The following STPG2 variants were observed in gnomAD, a reference collection of about 807,000 sequenced individuals.
STPG2 encodes the protein sperm tail PG-rich repeat containing 2, also known as sperm-tail PG-rich repeat-containing protein 2.
Under a neutral mutation model 54.2 loss-of-function variants are expected in STPG2, and 56 were observed. The ratio of observed to expected loss-of-function variants is 1.03; its 90% confidence interval spans 0.83 to 1.29. STPG2 has a LOEUF of 1.29. Among genes scored for constraint, STPG2 ranks in the 50% most tolerant of loss-of-function variants. The pLI is 0.00. For missense variants in STPG2, 596 were observed against 544.9 expected (o/e 1.09, Z -0.93); for synonymous variants, 200 against 181.8 (o/e 1.10, Z -0.81).
intron 6 of STPG2, among the ~76,000 whole-genome samples, chr4:97,977,229 G>A (rs1227928332): frequency 6.6e-6 from 1 of 152,058 alleles, no homozygotes; most frequent in Non-Finnish European, 1.5e-5. Context: ...TGTCTAAGAT[G>A]GAATATTAAA....
At chr4:97,890,844 T>C (rs1730742818) in intron 8 of STPG2, among the ~76,000 whole-genome samples, 1 of 151,874 alleles carries the variant, frequency 6.6e-6, no homozygotes, top group South Asian at 2.1e-4. Flanking sequence ...TGAAAAAACT[T>C]ATGACAAGAT....
At chr4:97,543,653 TA>T (rs1731770659) in intron 4 of STPG2, among the ~76,000 whole-genome samples, 1 of 152,168 alleles carries the variant, frequency 6.6e-6, no homozygotes, top group South Asian at 2.1e-4. Context: ...ATTTATGTGA[TA>T]ATCAAAATTA....
At chr4:97,890,455 A>C (rs947833002) in intron 8 of STPG2, among the ~76,000 whole-genome samples, 35 of 151,934 alleles carry the variant, frequency 2.3e-4, no homozygotes, top group Admixed American at 2.3e-3. Flanking sequence ...ATGTTGCATA[A>C]ATTTTAAAAA....
At chr4:97,520,659 G>A (rs1731161835) in intron 4 of STPG2, among the ~76,000 whole-genome samples, 1 of 151,968 alleles carries the variant, frequency 6.6e-6, no homozygotes, top group Admixed American at 6.6e-5. Context: ...GACAGTTTTA[G>A]TTTTGTGCTC....
At chr4:97,886,440 G>T (rs979466268) in intron 8 of STPG2, among the ~76,000 whole-genome samples, 1 of 152,112 alleles carries the variant, frequency 6.6e-6, no homozygotes, top group Non-Finnish European at 1.5e-5. Flanking sequence ...AATAAAATGT[G>T]TTGTCAACAT....
chr4:97,444,891 G>T (rs1394389501), intron 4 of STPG2, among the ~76,000 whole-genome samples: 2 of 152,094 alleles, frequency 1.3e-5, no homozygotes, highest in African/African-American at 2.4e-5. Context: ...AGCAAAATTA[G>T]CCAGGGATGG....
At chr4:97,639,503 ATAAAT>A (rs1292582131) in intron 10 of STPG2, among the ~76,000 whole-genome samples, 1 of 152,036 alleles carries the variant, frequency 6.6e-6, no homozygotes, top group Admixed American at 6.6e-5. Context: ...ATTTAAAAAA[ATAAAT>A]TAAAAAAAAA....
At chr4:98,043,647 T>A (rs1224889297) in intron 5 of STPG2, among the ~76,000 whole-genome samples, 1 of 152,162 alleles carries the variant, frequency 6.6e-6, no homozygotes, top group Non-Finnish European at 1.5e-5. Context: ...GTATTTATAT[T>A]ACATATGCAT....
intron 8 of STPG2, among the ~76,000 whole-genome samples, chr4:97,903,585 T>C (rs1731264713): frequency 6.6e-6 from 1 of 151,868 alleles, no homozygotes; most frequent in Non-Finnish European, 1.5e-5. Flanking sequence ...GTAAGACCGA[T>C]TAACAAAAAA....
intron 9 of STPG2, among the ~76,000 whole-genome samples, chr4:97,737,525 T>C (rs1345486509): frequency 6.6e-6 from 1 of 152,172 alleles, no homozygotes; most frequent in Non-Finnish European, 1.5e-5. Context: ...AAGGAGCTGA[T>C]GGAGCTGAAA....
At chr4:97,606,563 T>C (rs1284611629) in intron 10 of STPG2, among the ~76,000 whole-genome samples, 2 of 152,020 alleles carry the variant, frequency 1.3e-5, no homozygotes, top group Non-Finnish European at 2.9e-5. Context: ...ACAAGAAAAC[T>C]AATTAAATGT....
intron 5 of STPG2, among the ~76,000 whole-genome samples, chr4:97,985,529 T>C (rs1319782095): frequency 6.6e-6 from 1 of 152,208 alleles, no homozygotes; most frequent in Non-Finnish European, 1.5e-5. Flanking sequence ...CAGAAATGTA[T>C]CTGTCTTTAT....
intron 8 of STPG2, among the ~76,000 whole-genome samples, chr4:97,855,565 G>C (rs1237183479): frequency 6.6e-6 from 1 of 151,828 alleles, no homozygotes; most frequent in African/African-American, 2.4e-5. Context: ...CTGGATATTA[G>C]TCCTTTGTCA....
chr4:97,700,958 T>C (rs1723753422), intron 10 of STPG2, among the ~76,000 whole-genome samples: 1 of 152,200 alleles, frequency 6.6e-6, no homozygotes, highest in Non-Finnish European at 1.5e-5. Flanking sequence ...AATAATCCAC[T>C]GTCATTCTCC....
chr4:98,132,948 TAA>T (rs200375140), intron 2 of STPG2, among the ~76,000 whole-genome samples: 7 of 101,568 alleles, frequency 6.9e-5, no homozygotes, highest in South Asian at 3.0e-4. Context: ...TGAAATGAAC[TAA>T]AAAAAAAAAA....
chr4:97,926,829 C>G (rs1273952277), intron 8 of STPG2, among the ~76,000 whole-genome samples: 1 of 152,054 alleles, frequency 6.6e-6, no homozygotes, highest in Non-Finnish European at 1.5e-5. Flanking sequence ...AGACCACAGG[C>G]ATGAGACTGA....
At chr4:97,990,081 G>C (rs1420352658) in intron 5 of STPG2, among the ~76,000 whole-genome samples, 1 of 152,096 alleles carries the variant, frequency 6.6e-6, no homozygotes, top group East Asian at 1.9e-4. Flanking sequence ...CACTACTAGA[G>C]GTCATAGGGA....
intron 8 of STPG2, among the ~76,000 whole-genome samples, chr4:97,847,426 G>A (rs569458522): frequency 2.4e-4 from 36 of 152,200 alleles, no homozygotes; most frequent in African/African-American, 7.9e-4. Flanking sequence ...TAAGTAGTAT[G>A]TAAAAATGGA....
intron 3 of STPG2, among the ~76,000 whole-genome samples, chr4:98,121,065 C>T (rs1461818362): frequency 6.6e-6 from 1 of 152,060 alleles, no homozygotes; most frequent in Non-Finnish European, 1.5e-5. Flanking sequence ...ATATCTTGAG[C>T]TAATTTTTGT....
Sources: allele counts gnomAD v4.1 joint callset (sites outside exome capture counted in the v4.1 genomes callset), GRCh38; gene constraint gnomAD v4.1.1; transcripts MANE v1.5; gene names NCBI Gene and HGNC (gene_info 2026-07-23, HGNC 2026-07-21).